TEX15: variants seen among roughly 807,000 people sequenced by gnomAD.
The protein encoded by TEX15 is testis expressed 15, meiosis and synapsis associated.
In TEX15, 171 loss-of-function variants were observed where a neutral mutation model predicts 237.3. The observed-to-expected ratio is 0.72, with a 90% CI of 0.64 to 0.82. TEX15 has a LOEUF of 0.82. Ranked by LOEUF, TEX15 falls within the 40% of genes least tolerant of loss-of-function variation. The pLI is 0.00. For missense variants in TEX15, 3,750 were observed against 3,646.5 expected (o/e 1.03, Z -0.73); for synonymous variants, 1,338 against 1,269.8 (o/e 1.05, Z -1.14).
At chr8:30,870,333 T>A (rs1203499147) in intron 4 of TEX15, among the ~76,000 whole-genome samples, 3 of 152,052 alleles carry the variant, frequency 2.0e-5, no homozygotes, top group Non-Finnish European at 4.4e-5. Context: ...CAACAAAGTA[T>A]AAGTGCTTTG....
intron 4 of TEX15, among the ~76,000 whole-genome samples, chr8:30,870,634 A>C (rs930803100): frequency 2.6e-5 from 4 of 152,030 alleles, no homozygotes; most frequent in Non-Finnish European, 5.9e-5. Flanking sequence ...TCAGATTGCT[A>C]GTGATAAGAA....
intron 3 of TEX15, among the ~76,000 whole-genome samples, chr8:30,878,422 T>C (rs1808445518): frequency 6.6e-6 from 1 of 152,148 alleles, no homozygotes; most frequent in Non-Finnish European, 1.5e-5. Flanking sequence ...TCACTCTTGT[T>C]GCCCAGGCTA....
At chr8:30,907,553 AAT>A (rs1313615593) in intron 1 of TEX15, among the ~76,000 whole-genome samples, 111 of 141,240 alleles carry the variant, frequency 7.9e-4, no homozygotes, top group Middle Eastern at 3.6e-3. Flanking sequence ...GTATATACAA[AAT>A]TTATATATAA....
intron 3 of TEX15, 46 bp from the exon 4 acceptor site, chr8:30,875,148 T>C (rs748630566): frequency 4.1e-5 from 48 of 1,169,106 alleles, no homozygotes; most frequent in African/African-American, 3.3e-4. Flanking sequence ...AATGACATTA[T>C]TGGACATCTG....
chr8:30,844,310 G>C lies in TEX15; in HGVS notation c.5857C>G (p.Leu1953Val), dbSNP rs151160591. ...EIAYISKPGILGVNHTPILPA... is the reference protein window; with the variant it reads ...EIAYISKPGIVGVNHTPILPA... ...AAAATAGGCGTATGATTAACTCCTA[G>C]AATTCCTGGTTTGGAAATATAGGCT... Residue 1953 changes from leucine to valine, a missense_variant, in exon 8 of 11, where the codon CTA becomes GTA. Physicochemically the swap from Leu to Val is conservative, Grantham distance 32. Transcript: ENST00000643185. 281 of 1,613,348 alleles carry C rather than the reference G, an allele frequency of 1.7e-4. No homozygotes were observed. In the African/African-American group the frequency reaches 2.5e-3, roughly 14 times the overall value.
chr8:30,839,884 T>C lies in TEX15; in HGVS notation c.8222+22A>G, dbSNP rs1247142554. On this transcript the variant is annotated intron_variant, in intron 9 of 10. Coordinates refer to ENST00000643185, the MANE Select transcript of TEX15 (RefSeq NM_001350162.2). Reference sequence around the variant, plus strand: ...AATTTTGTTCAATTTTTTTTCCACATAGGGCTGATGGGAACTCCTACCTTG... The same window carrying C: ...AATTTTGTTCAATTTTTTTTCCACACAGGGCTGATGGGAACTCCTACCTTG... 3 of 1,570,038 alleles carry C rather than the reference T, an allele frequency of 1.9e-6. No homozygotes were observed. The Admixed American group carries it at 5.7e-5, about 30-fold the overall frequency.
intron 1 of TEX15, among the ~76,000 whole-genome samples, chr8:30,906,594 G>GAAA (rs34052778): frequency 1.0e-5 from 1 of 96,148 alleles, no homozygotes; most frequent in Admixed American, 1.0e-4. Flanking sequence ...CATCTCAAAA[G>GAAA]AAAAAAAAAA....
chr8:30,885,404 G>A (rs1168483202), intron 3 of TEX15, among the ~76,000 whole-genome samples: 1 of 152,130 alleles, frequency 6.6e-6, no homozygotes, highest in Non-Finnish European at 1.5e-5. Context: ...CTCTTTGCCT[G>A]CTGCCATCCA....
chr8:30,835,934 A>T (rs1807281965), intron 10 of TEX15, among the ~76,000 whole-genome samples: 1 of 152,172 alleles, frequency 6.6e-6, no homozygotes, highest in African/African-American at 2.4e-5. Context: ...TGTCTAATTG[A>T]AATTTATTTT....
At chr8:30,907,652 T>A (rs1408047346) in intron 1 of TEX15, among the ~76,000 whole-genome samples, 2 of 142,652 alleles carry the variant, frequency 1.4e-5, no homozygotes, top group Non-Finnish European at 3.1e-5. Context: ...ATTTATATAT[T>A]ATATATAATT....
rs750658266 is a variant in TEX15, at chr8:30,845,484, G to T, written c.4683C>A (p.Asp1561Glu). The T allele has an allele frequency of 6.2e-7, 1 of 1,613,414 alleles. No individual in the cohort carries two copies. Among genetic ancestry groups the T allele is most frequent in the Non-Finnish European group, 8.5e-7 (1 of 1,179,512 alleles). Residue 1561 changes from aspartate (D) to glutamate (E), a missense_variant, in exon 8 of 11, where the codon GAC (aspartate) becomes GAA (glutamate). By Grantham distance (45) the Asp-to-Glu change is conservative. Transcript: ENST00000643185. ...TTTCTATTAGTTTCTCATCTGAGTG[G>T]TCTGGGGAAAACAGATATGCAGTTT... ...SGKTAYLFSP[D>E]HSDEKLIEKE... is the part of the protein sequence containing the mutation.
At position 30,846,955 on chromosome 8, in the gene TEX15, G is replaced by C; in HGVS notation, c.3212C>G (p.Ala1071Gly). ...IEIELEDCDD[A>G]FIFQQDTHSH... The stretch of plus-strand genomic sequence containing the variant: ...ATGTGTATCTTGTTGAAATATAAAA[G>C]CATCATCACAATCTTCTAATTCTAT... The change falls in exon 8 of 11, where the codon GCT becomes GGT. Residue 1071 changes from alanine (A) to glycine (G), a missense_variant. By Grantham distance (60) the Ala-to-Gly change is moderately conservative. Coordinates refer to ENST00000643185, the MANE Select transcript of TEX15 (RefSeq NM_001350162.2). 6.2e-7 allele frequency: 1 copy of C among 1,613,602 alleles called. No homozygotes were observed. Among genetic ancestry groups the C allele is most frequent in the Non-Finnish European group, 8.5e-7 (1 of 1,179,644 alleles).
intron 1 of TEX15, among the ~76,000 whole-genome samples, chr8:30,908,426 T>A (rs1240692572): frequency 6.6e-6 from 1 of 152,240 alleles, no homozygotes; most frequent in Non-Finnish European, 1.5e-5. Flanking sequence ...TTTTCATCTA[T>A]GTATATCGAG....
chr8:30,857,180 T>C (rs1447182672), intron 7 of TEX15, among the ~76,000 whole-genome samples: 3 of 152,184 alleles, frequency 2.0e-5, no homozygotes, highest in Non-Finnish European at 2.9e-5. Context: ...TACTGCAGTA[T>C]ACATCAGTGG....
intron 2 of TEX15, among the ~76,000 whole-genome samples, chr8:30,895,227 A>G (rs952316276): frequency 1.0e-4 from 15 of 149,822 alleles, no homozygotes; most frequent in Admixed American, 2.7e-4. Flanking sequence ...CTTGCACAAA[A>G]TGACTGTCAA....
chr8:30,881,613 TTTATTTTTTTTTATTA>T lies in TEX15; in HGVS notation c.136+5538_136+5553del, dbSNP rs1235013615. ...ATTAATTATCCTTCCATCTTGACTT[TTTATTTTTTTTTATTA>T]TTTTTTTTTTTTGAGACAGTCTTGC... On this transcript the variant is annotated intron_variant, in intron 3 of 10. Coordinates refer to ENST00000643185, the MANE Select transcript of TEX15 (RefSeq NM_001350162.2). 5.0e-5 allele frequency among the ~76,000 whole-genome samples: 6 copies of T among 119,716 alleles called. 1 individual carries two copies. The highest frequency in any genetic ancestry group is 2.3e-4 in the African/African-American group (4 of 17,670). The allele number at this position is 119,716 out of a possible 152,430, so 78.5% of individuals were successfully genotyped here.
chr8:30,856,473 G>C (rs1264923104), intron 7 of TEX15, among the ~76,000 whole-genome samples: 1 of 152,042 alleles, frequency 6.6e-6, no homozygotes, highest in African/African-American at 2.4e-5. Context: ...AGGATTGCTT[G>C]AGCTTGGGAG....
At position 30,841,987 on chromosome 8, in the gene TEX15, T is replaced by C; in HGVS notation, c.8163+17A>G. On this transcript the variant is annotated intron_variant, in intron 8 of 10. Transcript: ENST00000643185. ...AAAAAGAATACTTATAAAAGTTTTG[T>C]TTTAAAACATACATACCTTTAGCTT... is the stretch of plus-strand genomic sequence containing the variant. 6.6e-7 allele frequency: 1 copy of C among 1,512,542 alleles called. No individual in the cohort carries two copies. 93.7% of individuals were successfully genotyped at this position (1,512,542 alleles called of 1,614,324 possible). A position where few individuals can be genotyped will look rare whatever the true frequency, so the allele number is the denominator to read the frequency against.
At chr8:30,868,105 C>T (rs549287831) in intron 4 of TEX15, among the ~76,000 whole-genome samples, 2 of 152,116 alleles carry the variant, frequency 1.3e-5, no homozygotes, top group African/African-American at 4.8e-5. Flanking sequence ...GGACATTCTC[C>T]ATTCTTCAGG....
Sources: allele counts gnomAD v4.1 joint callset (sites outside exome capture counted in the v4.1 genomes callset), GRCh38; gene constraint gnomAD v4.1.1; transcripts MANE v1.5; gene names NCBI Gene and HGNC (gene_info 2026-07-23, HGNC 2026-07-21).